SEL1L2: variants seen among roughly 807,000 people sequenced by gnomAD.
SEL1L2 encodes SEL1L2 adaptor subunit of SYVN1 ubiquitin ligase.
A neutral mutation model predicts 98.8 loss-of-function variants in SEL1L2; 89 were observed. The observed-to-expected ratio is 0.90, with a 90% CI of 0.76 to 1.07. SEL1L2 has a LOEUF of 1.07. SEL1L2 is among the 50% of genes least tolerant of loss of function. The pLI is 0.00. For synonymous variants in SEL1L2, 262 were observed against 278.5 expected (o/e 0.94, Z 0.59); for missense variants, 788 against 812.0 (o/e 0.97, Z 0.36).
At chr20:13,852,992 A>G (rs1988525091) in intron 18 of SEL1L2, among the ~76,000 whole-genome samples, 1 of 152,162 alleles carries the variant, frequency 6.6e-6, no homozygotes, top group Non-Finnish European at 1.5e-5. Flanking sequence ...CTGAACAAAT[A>G]AGAAAAAAAG....
chr20:13,886,439 G>T lies in SEL1L2; in HGVS notation c.749C>A (p.Ala250Asp), dbSNP rs1182178694. 1 of 1,612,842 alleles carries T rather than the reference G, an allele frequency of 6.2e-7. No individual in the cohort carries two copies. Residue 250 changes from alanine (A) to aspartate (D), a missense_variant, in exon 9 of 20, where the codon GCT (alanine) becomes GAT (aspartate). Coordinates refer to ENST00000284951, the MANE Select transcript of SEL1L2 (RefSeq NM_025229.2). ...ACCTTCACTTTTTTCAAATGTGTCA[G>T]CAACTGTGAATAAAAACAAGCCAGA... ...SYYKKVADYI[A>D]DTFEKSEGVP... is the part of the protein sequence containing the mutation.
At chr20:13,952,785 C>T (rs908108401) in intron 2 of SEL1L2, among the ~76,000 whole-genome samples, 1 of 152,128 alleles carries the variant, frequency 6.6e-6, no homozygotes, top group African/African-American at 2.4e-5. Context: ...AATCCCAGCA[C>T]TTTGGGAGGC....
chr20:13,994,295 C>CAAAAAAAAAAAAAAAAA (rs10557935), upstream of SEL1L2, among the ~76,000 whole-genome samples: 1 of 70,956 alleles, frequency 1.4e-5, no homozygotes, highest in African/African-American at 5.4e-5. Context: ...AACTCTGCCT[C>CAAAAAAAAAAAAAAAAA]AAAAAAAAAA....
At chr20:13,929,798 CT>C (rs372974117) in intron 3 of SEL1L2, among the ~76,000 whole-genome samples, 114 of 132,330 alleles carry the variant, frequency 8.6e-4, no homozygotes, top group African/African-American at 1.2e-3. Context: ...CGTGCCCGGC[CT>C]TTTTTTTTTG....
intron 14 of SEL1L2, among the ~76,000 whole-genome samples, chr20:13,868,283 A>T (rs982452959): frequency 4.6e-5 from 7 of 151,938 alleles, no homozygotes; most frequent in African/African-American, 1.5e-4. Context: ...TCTATCTATC[A>T]CGGTTAAAGA....
chr20:13,987,326 T>TGTTG (rs200930293), intron 1 of SEL1L2, among the ~76,000 whole-genome samples: 3 of 142,370 alleles, frequency 2.1e-5, no homozygotes, highest in East Asian at 4.1e-4. Context: ...TTTTTTTTTT[T>TGTTG]TTTTTGTTGT....
intron 12 of SEL1L2, among the ~76,000 whole-genome samples, chr20:13,871,572 G>A (rs2046195808): frequency 6.6e-6 from 1 of 151,700 alleles, no homozygotes; most frequent in Admixed American, 6.6e-5. Flanking sequence ...AGTGCAGTGA[G>A]GTGATCTCGG....
chr20:13,933,127 T>C (rs1010330258), intron 2 of SEL1L2, among the ~76,000 whole-genome samples: 10 of 152,172 alleles, frequency 6.6e-5, no homozygotes, highest in African/African-American at 2.4e-4. Flanking sequence ...AAGAATTGCT[T>C]GAACCTGCGA....
intron 1 of SEL1L2, among the ~76,000 whole-genome samples, chr20:13,966,561 C>T (rs946938865): frequency 6.6e-6 from 1 of 152,150 alleles, no homozygotes; most frequent in African/African-American, 2.4e-5. Flanking sequence ...CTCAGGCAAT[C>T]CACCCACCCC....
intron 1 of SEL1L2, among the ~76,000 whole-genome samples, chr20:13,982,290 C>G (rs1170133898): frequency 6.6e-6 from 1 of 151,860 alleles, no homozygotes; most frequent in Non-Finnish European, 1.5e-5. Flanking sequence ...GCAGGAGGAT[C>G]GTTTGAGCTC....
chr20:13,981,248 T>C (rs1483653212), intron 1 of SEL1L2, among the ~76,000 whole-genome samples: 1 of 151,250 alleles, frequency 6.6e-6, no homozygotes, highest in Admixed American at 6.6e-5. Flanking sequence ...ACAACCCCCC[T>C]AAAAAAAAGA....
At chr20:13,886,654 G>A (rs566143496) in intron 8 of SEL1L2, among the ~76,000 whole-genome samples, 1 of 152,308 alleles carries the variant, frequency 6.6e-6, no homozygotes, top group South Asian at 2.1e-4. Flanking sequence ...TTGGGAGGCA[G>A]AGGCGGGCAA....
chr20:13,917,294 T>G (rs1568964496), intron 4 of SEL1L2, among the ~76,000 whole-genome samples: 1 of 152,196 alleles, frequency 6.6e-6, no homozygotes, highest in Non-Finnish European at 1.5e-5. Flanking sequence ...GATCTGATTT[T>G]ACCCCTTCCT....
Position 13,965,994 on chromosome 20 carries a change from G to A in SEL1L2, c.59-9863C>T, listed in dbSNP as rs140059124. ...AAAAAATCACTGATCACAGACCACCGTAAGAGATACAATAATAAAGAAAAC... is the reference window on the plus strand; with the variant it reads ...AAAAAATCACTGATCACAGACCACCATAAGAGATACAATAATAAAGAAAAC... On this transcript the variant is annotated intron_variant, in intron 1 of 19. Transcript: ENST00000284951. Among the ~76,000 whole-genome samples, 359 of 149,996 alleles carry A rather than the reference G, an allele frequency of 2.4e-3. 2 individuals are homozygous for A. Among genetic ancestry groups the A allele is most frequent in the African/African-American group, 7.7e-3 (315 of 40,856 alleles).
intron 5 of SEL1L2, among the ~76,000 whole-genome samples, chr20:13,908,227 T>C (rs1054598285): frequency 6.7e-6 from 1 of 149,326 alleles, no homozygotes; most frequent in Non-Finnish European, 1.5e-5. Flanking sequence ...AAGTGATCCT[T>C]CTGCCTTAGC....
chr20:13,905,904 C>G (rs1470528405), intron 5 of SEL1L2, among the ~76,000 whole-genome samples: 2 of 110,194 alleles, frequency 1.8e-5, no homozygotes, highest in Non-Finnish European at 1.7e-5. Context: ...GACAGAGTTT[C>G]ACTCTTGACG....
At chr20:13,921,638 A>G (rs1371960195) in intron 3 of SEL1L2, among the ~76,000 whole-genome samples, 5 of 152,230 alleles carry the variant, frequency 3.3e-5, no homozygotes, top group Non-Finnish European at 7.3e-5. Context: ...CAGGTAAATA[A>G]AGTATTACTT....
chr20:13,906,603 C>G (rs2047939154), intron 5 of SEL1L2, among the ~76,000 whole-genome samples: 1 of 151,894 alleles, frequency 6.6e-6, no homozygotes, highest in South Asian at 2.1e-4. Context: ...TAGGTGGATA[C>G]TAAAAATAAT....
Position 13,886,280 on chromosome 20 carries a change from T to A in SEL1L2, c.900+8A>T, listed in dbSNP as rs754457257. The A allele has an allele frequency of 6.3e-7, 1 of 1,597,362 alleles. No individual in the cohort carries two copies. The highest frequency in any genetic ancestry group is 1.1e-5 in the South Asian group (1 of 89,518). ...TTCTAAAAACTCAATCTCATCTGTA[T>A]ACATTACTTGTATCTGAACATCTCC... On this transcript the variant is annotated splice_region_variant and intron_variant, in intron 9 of 19. Coordinates refer to ENST00000284951, the MANE Select transcript of SEL1L2 (RefSeq NM_025229.2).
Sources: gnomAD v4.1 joint callset for allele counts (sites outside exome capture counted in the v4.1 genomes callset) on GRCh38, gnomAD v4.1.1 for gene constraint, MANE v1.5 for transcripts, NCBI Gene and HGNC (gene_info 2026-07-23, HGNC 2026-07-21) for gene names.